The following MED13 variants were observed in gnomAD, a reference collection of about 807,000 sequenced individuals.
The protein encoded by MED13 is mediator of RNA polymerase II transcription subunit 13.
Under a neutral mutation model 225.2 loss-of-function variants are expected in MED13, and 23 were observed. The ratio of observed to expected loss-of-function variants is 0.10; its 90% CI spans 0.07 to 0.14. The LOEUF (loss-of-function observed/expected upper bound fraction) is 0.14, where lower values mean the gene tolerates loss of function less well. Among genes scored for constraint, MED13 ranks in the 10% least tolerant of loss-of-function variants. MED13 has a pLI of 1.00. For missense variants in MED13, 2,197 were observed against 2,594.5 expected, an observed-to-expected ratio of 0.85 and a Z score of 3.33; for synonymous variants, 942 against 889.2, an observed-to-expected ratio of 1.06 and a Z score of -1.06.
In MED13 at chr17:61,968,132, G is replaced by A. The variant is rs1402020468; in HGVS notation, c.4094C>T (p.Ser1365Phe). Reference sequence around the variant, plus strand: ...TACAACATAGGCTATATCTCTTTGAGATCCATAGGGTTCCAGCATAAGTCT... The same window carrying A: ...TACAACATAGGCTATATCTCTTTGAAATCCATAGGGTTCCAGCATAAGTCT... The part of the protein sequence containing the change: ...WERLMLEPYG[S>F]QRDIAYVVLC... The change falls in exon 18 of 30, where the codon TCT (serine) becomes TTT (phenylalanine). Residue 1365 changes from serine to phenylalanine, a missense_variant. By Grantham distance (155) the Ser-to-Phe change is radical. This residue lies in a region of MED13 where 47 missense variants were observed against 93.8 expected (regional missense o/e 0.50). Coordinates refer to ENST00000397786, the MANE Select transcript of MED13 (RefSeq NM_005121.3). 3 of 1,613,904 alleles carry A rather than the reference G, an allele frequency of 1.9e-6. No homozygotes were observed. Among genetic ancestry groups the A allele is most frequent in the Admixed American group, 1.7e-5 (1 of 60,006 alleles).
At position 61,984,640 on chromosome 17, in the gene MED13, A is replaced by T; in HGVS notation, c.2691+11T>A. ...GGAAGTGAATTATTTTTCTAGAAAA[A>T]ACATACTTACTTTAATTTCAGAAGG... On this transcript the variant is annotated intron_variant, in intron 14 of 29. Coordinates refer to ENST00000397786, the MANE Select transcript of MED13 (RefSeq NM_005121.3). 1.3e-6 allele frequency: 2 copies of T among 1,583,738 alleles called. No individual in the cohort carries two copies. Among genetic ancestry groups the T allele is most frequent in the Non-Finnish European group, 1.7e-6 (2 of 1,165,652 alleles).
chr17:62,065,117 C>A (rs749683097), intron 1 of MED13, 23 bp downstream of exon 1: 59 of 1,529,238 alleles, frequency 3.9e-5, no homozygotes, highest in Non-Finnish European at 5.2e-5. Context: ...CCTCCCTCGG[C>A]GCCCGCCGGC....
chr17:62,016,359 T>C (rs2080581395), intron 8 of MED13, among the ~76,000 whole-genome samples: 1 of 152,122 alleles, frequency 6.6e-6, no homozygotes, highest in Non-Finnish European at 1.5e-5. Context: ...TTTTGAATAC[T>C]TTCAATGACA....
At chr17:61,967,655 A>G (rs939522408) in intron 18 of MED13, among the ~76,000 whole-genome samples, 2 of 152,208 alleles carry the variant, frequency 1.3e-5, no homozygotes, top group Non-Finnish European at 2.9e-5. Flanking sequence ...TTTATTTTAC[A>G]TATGAGGAAA....
intron 9 of MED13, chr17:62,004,087 C>T (rs376061628): frequency 6.6e-6 from 1 of 152,112 alleles, no homozygotes; most frequent in East Asian, 1.9e-4. Context: ...CTTCATACCA[C>T]CACATTTTTA....
At chr17:62,040,344 A>C (rs1384673585) in intron 3 of MED13, among the ~76,000 whole-genome samples, 2 of 152,216 alleles carry the variant, frequency 1.3e-5, no homozygotes, top group Non-Finnish European at 2.9e-5. Flanking sequence ...AATATCTAAA[A>C]CAAAAAGTTA....
At chr17:62,058,126 C>G (rs866406196) in intron 2 of MED13, among the ~76,000 whole-genome samples, 1 of 152,114 alleles carries the variant, frequency 6.6e-6, no homozygotes, top group Non-Finnish European at 1.5e-5. Context: ...GATTCTTGAC[C>G]AGAGGGACTG....
At chr17:61,983,886 G>A (rs1194543634) in intron 15 of MED13, among the ~76,000 whole-genome samples, 1 of 151,838 alleles carries the variant, frequency 6.6e-6, no homozygotes, top group Non-Finnish European at 1.5e-5. Context: ...GCGCCACCAC[G>A]CTTGGCTAAT....
chr17:61,977,280 A>T (rs2080165292), intron 16 of MED13, among the ~76,000 whole-genome samples: 1 of 152,182 alleles, frequency 6.6e-6, no homozygotes, highest in African/African-American at 2.4e-5. Context: ...TAATGAGAAG[A>T]TGATATCTGA....
At chr17:61,973,756 T>TG (rs1275904602) in intron 16 of MED13, among the ~76,000 whole-genome samples, 5 of 151,660 alleles carry the variant, frequency 3.3e-5, no homozygotes, top group African/African-American at 4.8e-5. Context: ...CCAAGGCGGG[T>TG]GGACTGTTTG....
At chr17:61,957,737 A>G (rs541473993) in intron 23 of MED13, among the ~76,000 whole-genome samples, 30 of 152,346 alleles carry the variant, frequency 2.0e-4, no homozygotes, top group South Asian at 1.0e-3. Context: ...GTTCTATACT[A>G]TAAGTTGAAG....
chr17:61,968,317 A>T, intron 17 of MED13, 59 bp from the exon 18 acceptor site: 1 of 1,016,406 alleles, frequency 9.8e-7, no homozygotes, highest in Non-Finnish European at 1.4e-6. Flanking sequence ...TCTCCTTTTT[A>T]TTTATTTATT....
Position 61,960,981 on chromosome 17 carries a change from A to G in MED13, c.5366T>C (p.Val1789Ala). ...TGATAAACAGTATCCCACAAAAAGA[A>G]CATTATATTTCTGTCCAGCTTCTCC... Reference protein sequence around the residue: ...TFGEAGQKYNVLFVGYCLSHD... With the variant: ...TFGEAGQKYNALFVGYCLSHD... Residue 1789 changes from valine to alanine, a missense_variant, in exon 23 of 30, where the codon GTT becomes GCT. Coordinates refer to ENST00000397786, the MANE Select transcript of MED13 (RefSeq NM_005121.3). The G allele has an allele frequency of 1.9e-6, 3 of 1,613,944 alleles. No homozygotes were observed. The highest frequency in any genetic ancestry group is 2.5e-6 in the Non-Finnish European group (3 of 1,179,908).
intron 9 of MED13, among the ~76,000 whole-genome samples, chr17:61,996,163 G>C (rs547680543): frequency 6.6e-6 from 1 of 152,288 alleles, no homozygotes; most frequent in East Asian, 1.9e-4. Context: ...AAAGAGGGAT[G>C]CCACAACAAG....
At chr17:61,966,789 T>C in intron 18 of MED13, 138 bp from the exon 19 acceptor site, 1 of 551,980 alleles carries the variant, frequency 1.8e-6, no homozygotes, top group Non-Finnish European at 2.8e-6. Context: ...ATATCAAGGG[T>C]GTTTTTAGAA....
At position 61,991,354 on chromosome 17, in the gene MED13, G is replaced by A. The variant is rs367631542; in HGVS notation, c.2263+1186C>T. Among the ~76,000 whole-genome samples, 9 of 151,364 alleles carry A rather than the reference G, an allele frequency of 5.9e-5. No individual in the cohort carries two copies. In the East Asian group the frequency reaches 7.9e-4, roughly 13 times the overall value. On this transcript the variant is annotated intron_variant, in intron 11 of 29. Coordinates refer to ENST00000397786, the MANE Select transcript of MED13 (RefSeq NM_005121.3). ...GGCTGGTCTTCACCTCCTGACCTCA[G>A]GTGATCCACCTGCCTCGGCCTTACA...
chr17:62,006,014 A>G (rs1018670680), intron 9 of MED13: 1 of 152,252 alleles, frequency 6.6e-6, no homozygotes, highest in Non-Finnish European at 1.5e-5. Context: ...AATCTCTAAC[A>G]GTAGGAAAAA....
chr17:61,953,171 C>G, intron 26 of MED13, 58 bp from the exon 27 acceptor site: 1 of 1,527,354 alleles, frequency 6.5e-7, no homozygotes. Flanking sequence ...TATGGTCATT[C>G]ACAGGAAAGG....
At position 62,058,806 on chromosome 17, in the gene MED13, C is replaced by T. The variant is rs547630332; in HGVS notation, c.301+4261G>A. Among the ~76,000 whole-genome samples the T allele has an allele frequency of 1.2e-4, 19 of 152,280 alleles. No homozygotes were observed. The East Asian group carries it at 2.5e-3, about 20-fold the overall frequency. On this transcript the variant is annotated intron_variant, in intron 2 of 29. Coordinates refer to ENST00000397786, the MANE Select transcript of MED13 (RefSeq NM_005121.3). Reference sequence around the variant, plus strand: ...AGCCTTTGCAAATTACTTTGCTCAACGGTATTGACTTACTGCTACAAAATG... The same window carrying T: ...AGCCTTTGCAAATTACTTTGCTCAATGGTATTGACTTACTGCTACAAAATG...
Sources: allele counts gnomAD v4.1 joint callset (sites outside exome capture counted in the v4.1 genomes callset), GRCh38; gene constraint gnomAD v4.1.1; regional missense constraint gnomAD v4.1.1; transcripts MANE v1.5; gene names NCBI Gene and HGNC (gene_info 2026-07-23, HGNC 2026-07-21).